Variants in DOT1L observed in about 807,000 individuals in gnomAD.
The protein encoded by DOT1L is histone-lysine N-methyltransferase, H3 lysine-79 specific.
Under a neutral mutation model 153.3 loss-of-function variants are expected in DOT1L, and 33 were observed. The observed-to-expected ratio is 0.22, with a 90% CI of 0.16 to 0.29. The LOEUF (loss-of-function observed/expected upper bound fraction) is 0.29. Among genes scored for constraint, DOT1L ranks in the 10% least tolerant of loss-of-function variants. The pLI is 1.00. For synonymous variants in DOT1L, 1,135 were observed against 965.1 expected (o/e 1.18, Z -3.26); for missense variants, 1,847 against 2,119.9 (o/e 0.87, Z 2.53).
chr19:2,184,287 G>T (rs1038728370), intron 2 of DOT1L, among the ~76,000 whole-genome samples: 8 of 152,126 alleles, frequency 5.3e-5, no homozygotes, highest in Non-Finnish European at 1.0e-4. Context: ...CAGGTGTGCA[G>T]GCGTTGACCA....
At chr19:2,181,213 TCTGGGTGCCTCTCTGCTGCCCA>T (rs1359727476) in intron 2 of DOT1L, among the ~76,000 whole-genome samples, 1 of 152,218 alleles carries the variant, frequency 6.6e-6, no homozygotes, top group Admixed American at 6.5e-5. Flanking sequence ...AGGGAGGCCC[TCTGGGTGCCTCTCTGCTGCCCA>T]CTGGGAAGCT....
chr19:2,220,229 C>G lies in DOT1L; in HGVS notation c.2806+7C>G. The G allele has an allele frequency of 6.2e-7, 1 of 1,610,400 alleles. No individual in the cohort carries two copies. The highest frequency in any genetic ancestry group is 8.5e-7 in the Non-Finnish European group (1 of 1,178,500). On this transcript the variant is annotated splice_region_variant and intron_variant, in intron 23 of 27. Coordinates refer to ENST00000398665, the MANE Select transcript of DOT1L (RefSeq NM_032482.3). This position sits in a 1 kb window ranked among gnomAD's most constrained non-coding sequence, Gnocchi z 4.5. ...CTTGCCCTGGCCCCCGCAGGTAACGCCCCTCCTGTGCCCTACCCTCAGGAC... is the reference window on the plus strand; with the variant it reads ...CTTGCCCTGGCCCCCGCAGGTAACGGCCCTCCTGTGCCCTACCCTCAGGAC...
At chr19:2,219,957 C>A in intron 22 of DOT1L, 151 bp from the exon 23 acceptor site, 2 of 655,236 alleles carry the variant, frequency 3.1e-6, no homozygotes, top group Non-Finnish European at 2.6e-6. Flanking sequence ...CGCTCAAGTT[C>A]CCCCGCTGCC....
At chr19:2,171,658 G>A (rs975805423) in intron 1 of DOT1L, among the ~76,000 whole-genome samples, 6 of 152,182 alleles carry the variant, frequency 3.9e-5, no homozygotes, top group African/African-American at 1.4e-4. Context: ...GCCTTCTCCT[G>A]GGGGTAGCCC....
chr19:2,209,587 C>G (rs1432908326), intron 12 of DOT1L, among the ~76,000 whole-genome samples: 2 of 152,254 alleles, frequency 1.3e-5, no homozygotes, highest in Non-Finnish European at 2.9e-5. Context: ...TCCTCTCCCA[C>G]CTTAAAGCAG....
intron 18 of DOT1L, 185 bp downstream of exon 18, chr19:2,214,171 G>A (rs2023818051): frequency 2.7e-6 from 3 of 1,097,540 alleles, no homozygotes; most frequent in Non-Finnish European, 2.5e-6. Flanking sequence ...GGGCCCCTCG[G>A]CTGGATGGTT....
intron 23 of DOT1L, chr19:2,221,173 A>T (rs1331292389): frequency 2.0e-5 from 3 of 153,004 alleles, no homozygotes; most frequent in Non-Finnish European, 4.4e-5. Flanking sequence ...GTAAAACTCC[A>T]TCTCAAAAAC....
intron 20 of DOT1L, 56 bp downstream of exon 20, chr19:2,216,821 G>A: frequency 6.4e-7 from 1 of 1,557,858 alleles, no homozygotes; most frequent in Non-Finnish European, 8.7e-7. Flanking sequence ...ACTCTGCCTG[G>A]TGTGCTCAGG....
rs958623191 is a variant in DOT1L, at chr19:2,190,378, G to A, written c.264+583G>A. On this transcript the variant is annotated intron_variant, in intron 4 of 27. Coordinates refer to ENST00000398665, the MANE Select transcript of DOT1L (RefSeq NM_032482.3). The surrounding 1 kb of genome is among the most constrained non-coding windows in gnomAD (Gnocchi z 4.8). ...GGAGCTCTTTCTTGAAGGTCTTGCTGTGGAGGGAGCCCTGGTGGGGGTGGC... is the reference window on the plus strand; with the variant it reads ...GGAGCTCTTTCTTGAAGGTCTTGCTATGGAGGGAGCCCTGGTGGGGGTGGC... 2.6e-5 allele frequency among the ~76,000 whole-genome samples: 4 copies of A among 152,126 alleles called. No individual in the cohort carries two copies. Among genetic ancestry groups the A allele is most frequent in the African/African-American group, 9.7e-5 (4 of 41,406 alleles).
chr19:2,194,127 C>T (rs181364108), intron 6 of DOT1L, among the ~76,000 whole-genome samples: 8 of 152,044 alleles, frequency 5.3e-5, no homozygotes, highest in East Asian at 1.9e-4. Context: ...CCCAGGCAGG[C>T]GCATTGAGGC....
chr19:2,194,422 C>T (rs2022929350), intron 6 of DOT1L, 93 bp from the exon 7 acceptor site: 4 of 1,429,388 alleles, frequency 2.8e-6, no homozygotes, highest in Non-Finnish European at 3.9e-6. Flanking sequence ...CCGCCCTCCT[C>T]AGCCTCCCAA....
intron 22 of DOT1L, among the ~76,000 whole-genome samples, chr19:2,218,233 C>T (rs1422391074): frequency 6.6e-6 from 1 of 152,190 alleles, no homozygotes; most frequent in Non-Finnish European, 1.5e-5. Context: ...CTGCCGTGGC[C>T]CCTGTCCTCA....
At chr19:2,199,708 T>C (rs571731619) in intron 7 of DOT1L, among the ~76,000 whole-genome samples, 176 bp from the exon 8 acceptor site, 113 of 152,116 alleles carry the variant, frequency 7.4e-4, no homozygotes, top group African/African-American at 2.7e-3. Flanking sequence ...CGCATCCCTC[T>C]CACGGACCCT....
At position 2,204,662 on chromosome 19, in the gene DOT1L, T is replaced by C. The variant is rs971016139; in HGVS notation, c.787+1883T>C. Among the ~76,000 whole-genome samples the C allele has an allele frequency of 3.3e-5, 5 of 152,216 alleles. No homozygotes were observed. The highest frequency in any genetic ancestry group is 1.2e-4 in the African/African-American group (5 of 41,458). On this transcript the variant is annotated intron_variant, in intron 9 of 27. Transcript: ENST00000398665. This position sits in a 1 kb window ranked among gnomAD's most constrained non-coding sequence, Gnocchi z 5.7. ...GTCTTCTGTCCGGCCCCTCCCTGTT[T>C]TGAACATGTCCAGTGAAGGGCAGGT...
At chr19:2,167,221 C>T (rs963471043) in intron 1 of DOT1L, among the ~76,000 whole-genome samples, 6 of 152,162 alleles carry the variant, frequency 3.9e-5, no homozygotes, top group South Asian at 4.1e-4. Context: ...GGGTGGACCG[C>T]ACGGCCTGTG....
At position 2,166,041 on chromosome 19, in the gene DOT1L, A is replaced by T. The variant is rs560707074; in HGVS notation, c.81+1776A>T. Among the ~76,000 whole-genome samples the T allele has an allele frequency of 2.1e-4, 32 of 152,032 alleles. 1 individual carries two copies. The highest frequency in any genetic ancestry group is 6.8e-4 in the African/African-American group (28 of 41,468). Reference sequence around the variant, plus strand: ...CACCTCGGCCTCCCAAAGTGCTGGGATTACAGGTGTGAGCCACCGCGCCCG... The same window carrying T: ...CACCTCGGCCTCCCAAAGTGCTGGGTTTACAGGTGTGAGCCACCGCGCCCG... On this transcript the variant is annotated intron_variant, in intron 1 of 27. Transcript: ENST00000398665.
chr19:2,192,405 C>T (rs188437385), intron 5 of DOT1L, among the ~76,000 whole-genome samples: 36 of 152,318 alleles, frequency 2.4e-4, no homozygotes, highest in Middle Eastern at 3.4e-3. Flanking sequence ...TGGTGGCTCA[C>T]GCCTGTAATC....
intron 22 of DOT1L, among the ~76,000 whole-genome samples, chr19:2,218,321 G>T (rs2030770664): frequency 6.6e-6 from 1 of 152,234 alleles, no homozygotes; most frequent in Non-Finnish European, 1.5e-5. Flanking sequence ...GGGATTTTCT[G>T]GGCATTGAAC....
rs765562071 is a variant in DOT1L, at chr19:2,226,901, G to A, written c.4380G>A (p.Thr1460=). 4.4e-6 allele frequency: 7 copies of A among 1,577,832 alleles called. No individual in the cohort carries two copies. The highest frequency in any genetic ancestry group is 2.3e-5 in the East Asian group (1 of 42,836). ...SAGGAASSAQ[T]HRSFLGPFPP... is the part of the protein sequence containing the mutation. ...GCGGCGCGGCGTCCTCCGCCCAGACGCACCGGTCCTTCCTGGGCCCCTTCC... is the reference window on the plus strand; with the variant it reads ...GCGGCGCGGCGTCCTCCGCCCAGACACACCGGTCCTTCCTGGGCCCCTTCC... The change falls in exon 27 of 28, where the codon ACG becomes ACA. Residue 1460 remains threonine (T), a synonymous_variant. Coordinates refer to ENST00000398665, the MANE Select transcript of DOT1L (RefSeq NM_032482.3).
Sources: gnomAD v4.1 joint callset for allele counts (sites outside exome capture counted in the v4.1 genomes callset) on GRCh38, gnomAD v4.1.1 for gene constraint, Gnocchi (gnomAD v3.1) non-coding constraint, MANE v1.5 for transcripts, NCBI Gene and HGNC (gene_info 2026-07-23, HGNC 2026-07-21) for gene names.